TRPS1: variants seen among roughly 807,000 people sequenced by gnomAD.
TRPS1 encodes the protein transcriptional repressor GATA binding 1.
Under a neutral mutation model 101.2 loss-of-function variants are expected in TRPS1, and 6 were observed. The ratio of observed to expected loss-of-function variants is 0.06; its 90% CI spans 0.03 to 0.12. TRPS1 has a LOEUF of 0.12. Ranked by LOEUF, TRPS1 falls within the 10% of genes least tolerant of loss-of-function variation. The pLI is 1.00. For synonymous variants in TRPS1, 578 were observed against 589.8 expected (o/e 0.98, Z 0.29); for missense variants, 1,363 against 1,567.0 (o/e 0.87, Z 2.20).
chr8:115,651,220 G>T (rs1275798283), intron 1 of TRPS1, among the ~76,000 whole-genome samples: 1 of 152,070 alleles, frequency 6.6e-6, no homozygotes, highest in Non-Finnish European at 1.5e-5. Context: ...CTTTTCAAAT[G>T]AATTCAGGCT....
intron 4 of TRPS1, among the ~76,000 whole-genome samples, chr8:115,594,235 T>C (rs940550009): frequency 6.6e-6 from 1 of 152,106 alleles, no homozygotes. Context: ...TTTACAAATA[T>C]ATGCTTTGTA....
At chr8:115,659,293 T>C (rs1408769380) in intron 1 of TRPS1, among the ~76,000 whole-genome samples, 1 of 151,942 alleles carries the variant, frequency 6.6e-6, no homozygotes, top group African/African-American at 2.4e-5. Context: ...TTCCCTAAGT[T>C]TGCAGAACTG....
intron 5 of TRPS1, among the ~76,000 whole-genome samples, chr8:115,442,524 T>C (rs958654027): frequency 2.6e-5 from 4 of 151,490 alleles, no homozygotes; most frequent in African/African-American, 7.3e-5. Flanking sequence ...GGTCCATATC[T>C]GGGTAGCAAG....
At chr8:115,498,413 C>CTATATATA (rs1563554199) in intron 5 of TRPS1, among the ~76,000 whole-genome samples, 5 of 63,472 alleles carry the variant, frequency 7.9e-5, no homozygotes, top group Non-Finnish European at 1.3e-4. Flanking sequence ...CTCTCTCTCT[C>CTATATATA]TCTATATATA....
intron 5 of TRPS1, among the ~76,000 whole-genome samples, chr8:115,528,370 C>T (rs1816051738): frequency 6.6e-6 from 1 of 152,044 alleles, no homozygotes; most frequent in Admixed American, 6.6e-5. Flanking sequence ...TTATACGCTA[C>T]CTCTCTTAAT....
At chr8:115,515,398 A>G in intron 5 of TRPS1, 1 of 596,990 alleles carries the variant, frequency 1.7e-6, no homozygotes, top group Non-Finnish European at 3.0e-6. Context: ...GCCATGAAAT[A>G]TAAATCAAAT....
intron 5 of TRPS1, among the ~76,000 whole-genome samples, chr8:115,497,445 G>C (rs1478593221): frequency 6.6e-6 from 1 of 152,162 alleles, no homozygotes; most frequent in Non-Finnish European, 1.5e-5. Context: ...ACTGGTACGG[G>C]TCCATGGCTT....
intron 5 of TRPS1, among the ~76,000 whole-genome samples, chr8:115,563,934 G>A (rs1272810030): frequency 6.6e-6 from 1 of 151,922 alleles, no homozygotes; most frequent in African/African-American, 2.4e-5. Flanking sequence ...TTCTGCCACC[G>A]TTGGAAAAAA....
chr8:115,529,851 T>C (rs1213529098), intron 5 of TRPS1, among the ~76,000 whole-genome samples: 1 of 152,118 alleles, frequency 6.6e-6, no homozygotes, highest in African/African-American at 2.4e-5. Flanking sequence ...GCATAGTTCC[T>C]CAACATTCAG....
chr8:115,498,409 CTCTCTCTATATATATA>C lies in TRPS1; in HGVS notation c.2701-79973_2701-79958del, dbSNP rs1370067612. Reference sequence around the variant, plus strand: ...TCTCTCTCTCTCTCTCTCTCTCTCTCTCTCTCTATATATATATATATATATATATATATATATATAT... The same window carrying C: ...TCTCTCTCTCTCTCTCTCTCTCTCTCTATATATATATATATATATATATAT... On this transcript the variant is annotated intron_variant, in intron 5 of 6. Transcript: ENST00000395715. 5.2e-3 allele frequency among the ~76,000 whole-genome samples: 423 copies of C among 80,860 alleles called. 1 individual carries two copies. The highest frequency in any genetic ancestry group is 0.027 in the African/African-American group (408 of 15,170). The allele number at this position is 80,860 out of a possible 152,430, so 53.0% of individuals were successfully genotyped here. A position where few individuals can be genotyped will look rare whatever the true frequency, so the allele number is the denominator to read the frequency against.
intron 5 of TRPS1, among the ~76,000 whole-genome samples, chr8:115,423,091 C>T (rs1324443856): frequency 6.6e-6 from 1 of 152,172 alleles, no homozygotes; most frequent in African/African-American, 2.4e-5. Context: ...TCCACATCTA[C>T]GTGGTTTGAA....
Position 115,528,640 on chromosome 8 carries a change from T to C in TRPS1, c.2700+58361A>G, listed in dbSNP as rs16887532. On this transcript the variant is annotated intron_variant, in intron 5 of 6. Transcript: ENST00000395715. ...GTACTAGAAATCCTAGGGTAATAAATGATAATTGAAAAACAAAATTCAAAA... is the reference window on the plus strand; with the variant it reads ...GTACTAGAAATCCTAGGGTAATAAACGATAATTGAAAAACAAAATTCAAAA... 5.9e-3 allele frequency among the ~76,000 whole-genome samples: 894 copies of C among 152,170 alleles called. 12 individuals carry two copies. The highest frequency in any genetic ancestry group is 0.02 in the African/African-American group (847 of 41,560).
chr8:115,528,189 A>C (rs1221080975), intron 5 of TRPS1, among the ~76,000 whole-genome samples: 1 of 152,112 alleles, frequency 6.6e-6, no homozygotes, highest in Non-Finnish European at 1.5e-5. Context: ...TTATTTACTA[A>C]ACTCTATAAT....
At chr8:115,475,163 T>G (rs1394858422) in intron 5 of TRPS1, among the ~76,000 whole-genome samples, 1 of 151,292 alleles carries the variant, frequency 6.6e-6, no homozygotes, top group African/African-American at 2.4e-5. Context: ...TTTCTTGCCA[T>G]AAAACACACA....
chr8:115,456,740 A>C (rs1250957238), intron 5 of TRPS1, among the ~76,000 whole-genome samples: 4 of 152,048 alleles, frequency 2.6e-5, no homozygotes, highest in Non-Finnish European at 4.4e-5. Flanking sequence ...ACTCCCCCCC[A>C]AAAACATAAA....
intron 2 of TRPS1, among the ~76,000 whole-genome samples, chr8:115,621,750 C>CA (rs1458821721): frequency 2.0e-5 from 3 of 151,230 alleles, no homozygotes; most frequent in Admixed American, 6.6e-5. Flanking sequence ...TCCATCTCTA[C>CA]AAAAAAAATA....
intron 5 of TRPS1, among the ~76,000 whole-genome samples, chr8:115,519,056 T>C (rs1447459120): frequency 6.6e-6 from 1 of 151,812 alleles, no homozygotes; most frequent in Admixed American, 6.6e-5. Context: ...GAAAATTCCA[T>C]TAAAATTTCT....
intron 4 of TRPS1, among the ~76,000 whole-genome samples, chr8:115,596,694 A>ATATATC (rs1817793271): frequency 6.6e-6 from 1 of 151,856 alleles, no homozygotes; most frequent in Non-Finnish European, 1.5e-5. Flanking sequence ...ACATATATAC[A>ATATATC]TATATCTATG....
intron 5 of TRPS1, among the ~76,000 whole-genome samples, chr8:115,486,274 C>T (rs1453775117): frequency 3.9e-5 from 6 of 152,158 alleles, no homozygotes; most frequent in African/African-American, 1.4e-4. Flanking sequence ...CATAAGGTAG[C>T]GTACTTAATA....
Sources: allele counts gnomAD v4.1 joint callset (sites outside exome capture counted in the v4.1 genomes callset), GRCh38; gene constraint gnomAD v4.1.1; transcripts MANE v1.5; gene names NCBI Gene and HGNC (gene_info 2026-07-23, HGNC 2026-07-21).